LRFN2: variants seen among roughly 807,000 people sequenced by gnomAD.
LRFN2 encodes leucine-rich repeat and fibronectin type-III domain-containing protein 2.
Under a neutral mutation model 37.3 loss-of-function variants are expected in LRFN2, and 18 were observed. The observed-to-expected ratio is 0.48, with a 90% confidence interval of 0.33 to 0.72. The LOEUF (loss-of-function observed/expected upper bound fraction) is 0.72. Among genes scored for constraint, LRFN2 ranks in the 30% least tolerant of loss-of-function variants. LRFN2 has a pLI of 0.02. For missense variants in LRFN2, 1,006 were observed against 1,060.7 expected, an observed-to-expected ratio of 0.95 and a Z score of 0.72; for synonymous variants, 556 against 466.6, an observed-to-expected ratio of 1.19 and a Z score of -2.47.
intron 1 of LRFN2, among the ~76,000 whole-genome samples, chr6:40,443,675 A>T (rs996208273): frequency 6.6e-6 from 1 of 152,158 alleles, no homozygotes; most frequent in African/African-American, 2.4e-5. Context: ...GAGACACATT[A>T]TCAGTCAGGG....
chr6:40,503,519 C>T lies in LRFN2; in HGVS notation c.-18-70388G>A, dbSNP rs981340877. ...CACAAGCTCTATTGTAGACAGGTAGCGTTTGGGGACTTTTAAGACATCCAA... is the reference window on the plus strand; with the variant it reads ...CACAAGCTCTATTGTAGACAGGTAGTGTTTGGGGACTTTTAAGACATCCAA... On this transcript the variant is annotated intron_variant, in intron 1 of 2. Coordinates refer to ENST00000338305, the MANE Select transcript of LRFN2 (RefSeq NM_020737.3). Among the ~76,000 whole-genome samples the T allele has an allele frequency of 3.9e-5, 6 of 152,254 alleles. No individual in the cohort carries two copies. The East Asian group carries it at 1.2e-3, about 29-fold the overall frequency.
At chr6:40,568,533 C>T (rs893100894) in intron 1 of LRFN2, among the ~76,000 whole-genome samples, 6 of 152,188 alleles carry the variant, frequency 3.9e-5, no homozygotes, top group African/African-American at 7.2e-5. Context: ...AAAGATCCTA[C>T]GTGTGCTCTG....
intron 1 of LRFN2, among the ~76,000 whole-genome samples, chr6:40,491,478 A>G (rs1448392106): frequency 1.3e-5 from 2 of 152,118 alleles, no homozygotes; most frequent in Non-Finnish European, 1.5e-5. Context: ...GACTGTGGGT[A>G]GGTAGGCAGC....
At chr6:40,558,874 T>C (rs1349580582) in intron 1 of LRFN2, among the ~76,000 whole-genome samples, 1 of 152,124 alleles carries the variant, frequency 6.6e-6, no homozygotes, top group Admixed American at 6.5e-5. Context: ...ATCAGAGGCA[T>C]CTCAATCCAA....
chr6:40,432,372 A>T lies in LRFN2; in HGVS notation c.742T>A (p.Cys248Ser). The part of the protein sequence containing the change: ...SFGGNPLHCN[C>S]ELLWLRRLER... ...AGCCTCCGCAGCCAGAGAAGCTCAC[A>T]ATTGCAGTGAAGTGGGTTACCCCCA... The change falls in exon 2 of 3, where the codon TGT becomes AGT. Residue 248 changes from cysteine (C) to serine (S), a missense_variant. Cys to Ser is a moderately radical substitution (Grantham distance 112). Coordinates refer to ENST00000338305, the MANE Select transcript of LRFN2 (RefSeq NM_020737.3). 6.2e-7 allele frequency: 1 copy of T among 1,614,162 alleles called. No individual in the cohort carries two copies. The highest frequency in any genetic ancestry group is 8.5e-7 in the Non-Finnish European group (1 of 1,180,038).
chr6:40,495,860 C>G (rs1561879036), intron 1 of LRFN2, among the ~76,000 whole-genome samples: 1 of 152,156 alleles, frequency 6.6e-6, no homozygotes, highest in South Asian at 2.1e-4. Flanking sequence ...GATGAAGATT[C>G]TTCACATTTA....
At chr6:40,538,162 T>C (rs1290556725) in intron 1 of LRFN2, among the ~76,000 whole-genome samples, 1 of 152,092 alleles carries the variant, frequency 6.6e-6, no homozygotes, top group Non-Finnish European at 1.5e-5. Context: ...TCATTAGGAG[T>C]TAAATCTCAT....
chr6:40,458,315 A>G (rs1581721552), intron 1 of LRFN2, among the ~76,000 whole-genome samples: 1 of 152,218 alleles, frequency 6.6e-6, no homozygotes. Context: ...TTTCACTGCA[A>G]TTGGTGCAGG....
At chr6:40,546,238 C>T (rs1270168667) in intron 1 of LRFN2, among the ~76,000 whole-genome samples, 3 of 152,176 alleles carry the variant, frequency 2.0e-5, no homozygotes, top group Admixed American at 6.5e-5. Flanking sequence ...CCCAGAGAAG[C>T]GGGGCCTTGA....
At chr6:40,537,918 G>A (rs1218728938) in intron 1 of LRFN2, among the ~76,000 whole-genome samples, 2 of 151,974 alleles carry the variant, frequency 1.3e-5, no homozygotes, top group Non-Finnish European at 2.9e-5. Flanking sequence ...AGATTGAAGG[G>A]AGCAGGGAAC....
chr6:40,479,468 A>C (rs149849626), intron 1 of LRFN2, among the ~76,000 whole-genome samples: 230 of 152,314 alleles, frequency 1.5e-3, no homozygotes, highest in African/African-American at 5.1e-3. Context: ...CCTTATCAGT[A>C]AAATGGGGAG....
At chr6:40,469,319 A>C (rs1021106191) in intron 1 of LRFN2, among the ~76,000 whole-genome samples, 2 of 152,176 alleles carry the variant, frequency 1.3e-5, no homozygotes, top group Non-Finnish European at 2.9e-5. Flanking sequence ...ATAAGAGGAC[A>C]TATTTCTGTT....
chr6:40,429,304 G>A (rs1030384090), intron 2 of LRFN2, among the ~76,000 whole-genome samples: 1 of 152,146 alleles, frequency 6.6e-6, no homozygotes, highest in South Asian at 2.1e-4. Flanking sequence ...GGCAAGCTGC[G>A]CCATTTTGGC....
intron 1 of LRFN2, among the ~76,000 whole-genome samples, chr6:40,568,338 C>T (rs1334674397): frequency 6.6e-6 from 1 of 152,186 alleles, no homozygotes; most frequent in Non-Finnish European, 1.5e-5. Context: ...AGTTGGCATG[C>T]AGGCCTGGGA....
chr6:40,560,281 C>A (rs1216852133), intron 1 of LRFN2, among the ~76,000 whole-genome samples: 2 of 152,164 alleles, frequency 1.3e-5, no homozygotes, highest in African/African-American at 4.8e-5. Context: ...GGCCACCATA[C>A]CACCCACCTT....
chr6:40,399,110 A>AT (rs1412320053), intron 2 of LRFN2, among the ~76,000 whole-genome samples: 1 of 151,540 alleles, frequency 6.6e-6, no homozygotes, highest in Non-Finnish European at 1.5e-5. Flanking sequence ...TATCTCTTCT[A>AT]TTTTTTCGTC....
At chr6:40,473,121 G>T (rs530466233) in intron 1 of LRFN2, among the ~76,000 whole-genome samples, 158 of 152,228 alleles carry the variant, frequency 1.0e-3, no homozygotes, top group African/African-American at 3.6e-3. Context: ...TGCTCCCCAA[G>T]ATAGGTGATC....
At chr6:40,537,099 G>T (rs2113913365) in intron 1 of LRFN2, among the ~76,000 whole-genome samples, 1 of 152,318 alleles carries the variant, frequency 6.6e-6, no homozygotes, top group South Asian at 2.1e-4. Flanking sequence ...CAGGGGATCT[G>T]GTGCAGTGGT....
chr6:40,530,412 T>A (rs1369427683), intron 1 of LRFN2, among the ~76,000 whole-genome samples: 2 of 152,288 alleles, frequency 1.3e-5, no homozygotes, highest in East Asian at 3.9e-4. Flanking sequence ...AACTGAATAG[T>A]AGCTCATTGA....
Sources: gnomAD v4.1 joint callset for allele counts (sites outside exome capture counted in the v4.1 genomes callset) on GRCh38, gnomAD v4.1.1 for gene constraint, MANE v1.5 for transcripts, NCBI Gene and HGNC (gene_info 2026-07-23, HGNC 2026-07-21) for gene names.